Variants in TMEM62 observed in about 807,000 individuals in gnomAD.
TMEM62 encodes the protein transmembrane protein 62.
In TMEM62, 41 loss-of-function variants were observed where a neutral mutation model predicts 70.4. The observed-to-expected ratio is 0.58, with a 90% CI of 0.45 to 0.76. The LOEUF (loss-of-function observed/expected upper bound fraction) is 0.76, where lower values mean the gene tolerates loss of function less well. TMEM62 is among the 30% of genes least tolerant of loss of function. TMEM62 has a pLI of 0.00. For synonymous variants in TMEM62, 268 were observed against 291.0 expected (o/e 0.92, Z 0.80); for missense variants, 688 against 788.5 (o/e 0.87, Z 1.53).
intron 8 of TMEM62, 136 bp from the exon 9 acceptor site, chr15:43,154,536 A>G (rs750109322): frequency 6.2e-6 from 4 of 649,468 alleles, no homozygotes; most frequent in Non-Finnish European, 9.3e-6. Context: ...GATCATATCA[A>G]TAGTGGCTCC....
chr15:43,176,485 A>G (rs1001418632), intron 11 of TMEM62, among the ~76,000 whole-genome samples: 2 of 152,166 alleles, frequency 1.3e-5, no homozygotes, highest in Non-Finnish European at 2.9e-5. Flanking sequence ...TCTGAGACAA[A>G]AGTTCCAGAG....
At chr15:43,145,782 A>C (rs923000237) in intron 4 of TMEM62, among the ~76,000 whole-genome samples, 1 of 152,230 alleles carries the variant, frequency 6.6e-6, no homozygotes, top group Non-Finnish European at 1.5e-5. Context: ...CATTTGAATA[A>C]TATAGGTATG....
At chr15:43,147,013 G>T (rs2139652) in intron 5 of TMEM62, among the ~76,000 whole-genome samples, 1 of 152,000 alleles carries the variant, frequency 6.6e-6, no homozygotes, top group Admixed American at 6.5e-5. Flanking sequence ...GGCCAGGCTG[G>T]AGTGCAGTGG....
intron 10 of TMEM62, among the ~76,000 whole-genome samples, chr15:43,165,164 T>C (rs2039235274): frequency 1.3e-5 from 2 of 152,166 alleles, no homozygotes; most frequent in South Asian, 4.1e-4. Flanking sequence ...CTGATCTCTC[T>C]CTGTACCTCC....
intron 12 of TMEM62, chr15:43,180,945 A>G (rs1004773939): frequency 6.5e-5 from 24 of 371,432 alleles, no homozygotes; most frequent in Non-Finnish European, 1.2e-4. Flanking sequence ...TATAAGACAC[A>G]TATCTGTTCT....
At chr15:43,156,188 T>C (rs867249118) in intron 9 of TMEM62, among the ~76,000 whole-genome samples, 1 of 152,130 alleles carries the variant, frequency 6.6e-6, no homozygotes, top group South Asian at 2.1e-4. Flanking sequence ...ATCTTTTTTA[T>C]CCCCCCTACA....
At position 43,184,710 on chromosome 15, in the gene TMEM62, G is replaced by A. The variant is rs1034945038; in HGVS notation, c.*124G>A. On this transcript the variant is annotated 3_prime_UTR_variant, in exon 14 of 14. Transcript: ENST00000260403. Reference sequence around the variant, plus strand: ...GGTGAGCTTTAGGGAGCAGCTGCTCGTTTGGAGTCCTGGACGTTGGAGGGA... The same window carrying A: ...GGTGAGCTTTAGGGAGCAGCTGCTCATTTGGAGTCCTGGACGTTGGAGGGA... The A allele has an allele frequency of 2.5e-6, 2 of 808,110 alleles. No homozygotes were observed. Among genetic ancestry groups the A allele is most frequent in the South Asian group, 1.7e-5 (1 of 58,042 alleles). 50.1% of individuals were successfully genotyped at this position (808,110 alleles called of 1,614,324 possible).
At chr15:43,144,465 GCAATCCCA>G (rs970975028) in intron 4 of TMEM62, among the ~76,000 whole-genome samples, 1 of 152,112 alleles carries the variant, frequency 6.6e-6, no homozygotes, top group African/African-American at 2.4e-5. Context: ...TTTATAAATG[GCAATCCCA>G]CAATAAAAAA....
Position 43,152,720 on chromosome 15 carries a change from G to C in TMEM62, c.1022+775G>C, listed in dbSNP as rs184457846. Among the ~76,000 whole-genome samples, 11 of 152,214 alleles carry C rather than the reference G, an allele frequency of 7.2e-5. No homozygotes were observed. In the East Asian group the frequency reaches 2.1e-3, roughly 29 times the overall value. On this transcript the variant is annotated intron_variant, in intron 8 of 13. Transcript: ENST00000260403. Reference sequence around the variant, plus strand: ...ATGAATTTGATTATATAGATTAATAGAATCCAAATGGGACATTAACATTCT... The same window carrying C: ...ATGAATTTGATTATATAGATTAATACAATCCAAATGGGACATTAACATTCT...
chr15:43,170,875 GCATGGGAAATTTC>G (rs2040114617), intron 11 of TMEM62, among the ~76,000 whole-genome samples: 1 of 152,166 alleles, frequency 6.6e-6, no homozygotes, highest in South Asian at 2.1e-4. Flanking sequence ...CTTAGAAAAA[GCATGGGAAATTTC>G]CTGGTTATAT....
intron 10 of TMEM62, 126 bp from the exon 11 acceptor site, chr15:43,169,467 A>T: frequency 1.3e-6 from 1 of 772,264 alleles, no homozygotes; most frequent in Non-Finnish European, 2.1e-6. Context: ...AAAGACCAAA[A>T]TATGTATTTC....
chr15:43,172,095 C>G (rs1407475388), intron 11 of TMEM62, among the ~76,000 whole-genome samples: 1 of 152,070 alleles, frequency 6.6e-6, no homozygotes, highest in Non-Finnish European at 1.5e-5. Context: ...CTAATAGACC[C>G]AAGTATGTTT....
intron 1 of TMEM62, 83 bp downstream of exon 1, chr15:43,134,065 G>A: frequency 7.0e-7 from 1 of 1,434,814 alleles, no homozygotes; most frequent in Non-Finnish European, 9.1e-7. Flanking sequence ...TGGGCCCCAC[G>A]CTCCAGGCTG....
Position 43,133,696 on chromosome 15 carries a change from C to G in TMEM62, c.-107C>G. 1.2e-6 allele frequency: 1 copy of G among 809,050 alleles called. No homozygotes were observed. Among genetic ancestry groups the G allele is most frequent in the South Asian group, 4.7e-5 (1 of 21,164 alleles). The allele number at this position is 809,050 out of a possible 1,614,324, so 50.1% of individuals were successfully genotyped here. A position where few individuals can be genotyped will look rare whatever the true frequency, so the allele number is the denominator to read the frequency against. ...TCCGGCGCCGGCCCCGCATCCAGCT[C>G]TGGCCCTGCGACAATAGAGTCCGGA... On this transcript the variant is annotated 5_prime_UTR_variant, in exon 1 of 14. Coordinates refer to ENST00000260403, the MANE Select transcript of TMEM62 (RefSeq NM_024956.4).
At chr15:43,147,908 C>A (rs1335210196) in intron 5 of TMEM62, among the ~76,000 whole-genome samples, 1 of 152,088 alleles carries the variant, frequency 6.6e-6, no homozygotes, top group Non-Finnish European at 1.5e-5. Context: ...TTGCTGTAAG[C>A]ACCTTACATA....
intron 10 of TMEM62, among the ~76,000 whole-genome samples, chr15:43,167,281 C>T (rs1422136099): frequency 2.0e-5 from 3 of 151,392 alleles, no homozygotes; most frequent in African/African-American, 7.3e-5. Context: ...CCACCTCCCT[C>T]CCGGACGGGG....
Position 43,184,768 on chromosome 15 carries a change from C to T in TMEM62, c.*182C>T, listed in dbSNP as rs1047857233. On this transcript the variant is annotated 3_prime_UTR_variant, in exon 14 of 14. Coordinates refer to ENST00000260403, the MANE Select transcript of TMEM62 (RefSeq NM_024956.4). ...CTACTGATACCTGCAGAATGGACTGCAGAAAAGTCTCAAAAATAATGCCTT... is the reference window on the plus strand; with the variant it reads ...CTACTGATACCTGCAGAATGGACTGTAGAAAAGTCTCAAAAATAATGCCTT... 3.3e-6 allele frequency: 2 copies of T among 599,552 alleles called. No individual in the cohort carries two copies. Among genetic ancestry groups the T allele is most frequent in the South Asian group, 4.3e-5 (2 of 46,676 alleles). 37.1% of individuals were successfully genotyped at this position (599,552 alleles called of 1,614,324 possible).
chr15:43,149,902 T>C (rs1379697975), intron 7 of TMEM62, among the ~76,000 whole-genome samples: 1 of 152,214 alleles, frequency 6.6e-6, no homozygotes, highest in Non-Finnish European at 1.5e-5. Context: ...AAGGTTAAAG[T>C]CTCTCTAAGA....
In TMEM62 at chr15:43,180,948, T is replaced by A. The variant is rs183621254; in HGVS notation, c.1487-233T>A. 139 of 380,290 alleles carry A rather than the reference T, an allele frequency of 3.7e-4. 1 individual carries two copies. Among genetic ancestry groups the A allele is most frequent in the African/African-American group, 2.7e-3 (133 of 49,216 alleles). The allele number at this position is 380,290 out of a possible 1,614,324, so 23.6% of individuals were successfully genotyped here. On this transcript the variant is annotated intron_variant, in intron 12 of 13. Transcript: ENST00000260403. Reference sequence around the variant, plus strand: ...GTTTCTAGAATCTATAAGACACATATCTGTTCTAGGTATAGTGTCTACTAA... The same window carrying A: ...GTTTCTAGAATCTATAAGACACATAACTGTTCTAGGTATAGTGTCTACTAA...
Sources: gnomAD v4.1 joint callset for allele counts (sites outside exome capture counted in the v4.1 genomes callset) on GRCh38, gnomAD v4.1.1 for gene constraint, MANE v1.5 for transcripts, NCBI Gene and HGNC (gene_info 2026-07-23, HGNC 2026-07-21) for gene names.